SCN7A: variants seen among roughly 807,000 people sequenced by gnomAD.
SCN7A encodes sodium voltage-gated channel alpha subunit 7, also known as sodium channel protein type 7 subunit alpha.
SCN7A carries 138 observed loss-of-function variants against 155.2 expected under a neutral mutation model. That is an observed-to-expected ratio of 0.89 (90% CI 0.77 to 1.02). The LOEUF (loss-of-function observed/expected upper bound fraction) is 1.02. Ranked by LOEUF, SCN7A falls within the 50% of genes least tolerant of loss-of-function variation. SCN7A has a pLI of 0.00. For synonymous variants in SCN7A, 693 were observed against 649.0 expected, an observed-to-expected ratio of 1.07 and a Z score of -1.03; for missense variants, 2,058 against 1,986.6, an observed-to-expected ratio of 1.04 and a Z score of -0.68.
intron 2 of SCN7A, among the ~76,000 whole-genome samples, chr2:166,485,043 G>A (rs1438302421): frequency 6.6e-6 from 1 of 151,994 alleles, no homozygotes; most frequent in African/African-American, 2.4e-5. Context: ...TTATCCAATA[G>A]AATACAATTA....
At position 166,473,979 on chromosome 2, in the gene SCN7A, A is replaced by G. The variant is rs539707038; in HGVS notation, c.354-91T>C. 7.4e-6 allele frequency: 5 copies of G among 677,002 alleles called. No individual in the cohort carries two copies. In the South Asian group the frequency reaches 1.3e-4, roughly 17 times the overall value. 41.9% of individuals were successfully genotyped at this position (677,002 alleles called of 1,614,324 possible). A position where few individuals can be genotyped will look rare whatever the true frequency, so the allele number is the denominator to read the frequency against. On this transcript the variant is annotated intron_variant, in intron 4 of 25. Coordinates refer to ENST00000643258, the MANE Select transcript of SCN7A (RefSeq NM_002976.4). ...TATTTCTTAAATGTTGAAAAATATT[A>G]ATCTTATTGAACAACAATGGGCATT...
At position 166,441,074 on chromosome 2, in the gene SCN7A, T is replaced by A. The variant is rs937980422; in HGVS notation, c.2157+322A>T. On this transcript the variant is annotated intron_variant, in intron 15 of 25. Coordinates refer to ENST00000643258, the MANE Select transcript of SCN7A (RefSeq NM_002976.4). Reference sequence around the variant, plus strand: ...CAGACCATGGCTGACCACAGGCAACTGAAACCACATACAGTGCAACTGAGC... The same window carrying A: ...CAGACCATGGCTGACCACAGGCAACAGAAACCACATACAGTGCAACTGAGC... The A allele has an allele frequency of 2.1e-5, 8 of 386,168 alleles. No homozygotes were observed. The South Asian group carries it at 9.8e-4, about 47-fold the overall frequency. The allele number at this position is 386,168 out of a possible 1,614,324, so 23.9% of individuals were successfully genotyped here.
At chr2:166,471,569 C>T (rs909581835) in intron 6 of SCN7A, among the ~76,000 whole-genome samples, 2 of 151,422 alleles carry the variant, frequency 1.3e-5, no homozygotes, top group Admixed American at 1.3e-4. Flanking sequence ...AAAAACTGAC[C>T]CAAAATCTAC....
At chr2:166,437,392 C>A (rs1481788288) in intron 15 of SCN7A, among the ~76,000 whole-genome samples, 1 of 152,168 alleles carries the variant, frequency 6.6e-6, no homozygotes, top group Non-Finnish European at 1.5e-5. Context: ...ATGGAAATGC[C>A]TGGATGTCCA....
At chr2:166,486,783 T>TA (rs1703061573) in intron 2 of SCN7A, 73 bp downstream of exon 2, 1 of 152,238 alleles carries the variant, frequency 6.6e-6, no homozygotes, top group Admixed American at 6.5e-5. Context: ...TTACATTTTC[T>TA]TGTTTGTTTT....
At chr2:166,467,839 T>A (rs896028228) in intron 7 of SCN7A, among the ~76,000 whole-genome samples, 1 of 151,860 alleles carries the variant, frequency 6.6e-6, no homozygotes, top group East Asian at 1.9e-4. Context: ...ATAAAAAAAA[T>A]TTAAACCAAT....
At position 166,465,853 on chromosome 2, in the gene SCN7A, A is replaced by G; in HGVS notation, c.799T>C (p.Cys267Arg). ...GLFMGNLKHK[C>R]FRWPQENENE... Reference sequence around the variant, plus strand: ...TCATTCTCTTGGGGCCATCGAAAACATTTATGTTTCAAGTTGCCCATGAAG... The same window carrying G: ...TCATTCTCTTGGGGCCATCGAAAACGTTTATGTTTCAAGTTGCCCATGAAG... The change falls in exon 8 of 26, where the codon TGT (cysteine) becomes CGT (arginine). Residue 267 changes from cysteine (C) to arginine (R), a missense_variant. Cys to Arg is a radical substitution (Grantham distance 180). Coordinates refer to ENST00000643258, the MANE Select transcript of SCN7A (RefSeq NM_002976.4). 6.2e-7 allele frequency: 1 copy of G among 1,613,890 alleles called. No homozygotes were observed. The highest frequency in any genetic ancestry group is 1.3e-5 in the African/African-American group (1 of 75,022).
Position 166,443,549 on chromosome 2 carries a change from C to A in SCN7A, c.1754G>T (p.Cys585Phe). 6.3e-7 allele frequency: 1 copy of A among 1,595,536 alleles called. No individual in the cohort carries two copies. The highest frequency in any genetic ancestry group is 1.7e-5 in the Admixed American group (1 of 57,198). Residue 585 changes from cysteine (C) to phenylalanine (F), a missense_variant, in exon 14 of 26, where the codon TGT becomes TTT. Cys to Phe is a radical substitution (Grantham distance 205). Transcript: ENST00000643258. Reference sequence around the variant, plus strand: ...AGCCATTCCTGCAACATTTGCTAGACAAAGTTCTATTAAACCATGGAACAC... The same window carrying A: ...AGCCATTCCTGCAACATTTGCTAGAAAAAGTTCTATTAAACCATGGAACAC... ...MIVFHGLIEL[C>F]LANVAGMALL...
intron 18 of SCN7A, among the ~76,000 whole-genome samples, chr2:166,426,265 C>A (rs953270138): frequency 6.6e-6 from 1 of 152,092 alleles, no homozygotes; most frequent in Non-Finnish European, 1.5e-5. Context: ...ATATTCTAAG[C>A]AGCCTTTCCA....
intron 3 of SCN7A, among the ~76,000 whole-genome samples, chr2:166,474,894 A>T (rs1702745923): frequency 6.6e-6 from 1 of 151,436 alleles, no homozygotes; most frequent in South Asian, 2.1e-4. Flanking sequence ...ATATCATGTA[A>T]ACCTAATACA....
chr2:166,470,788 T>A, intron 6 of SCN7A, 82 bp from the exon 7 acceptor site: 1 of 1,238,312 alleles, frequency 8.1e-7, no homozygotes, highest in Non-Finnish European at 1.1e-6. Context: ...TATTGAAACT[T>A]ATTTTTAAAA....
intron 6 of SCN7A, among the ~76,000 whole-genome samples, chr2:166,471,405 T>C (rs1702651339): frequency 6.6e-6 from 1 of 151,854 alleles, no homozygotes; most frequent in South Asian, 2.1e-4. Context: ...TAGGAAGGGC[T>C]CTGTAAGTGT....
chr2:166,458,973 T>C (rs771659427), intron 10 of SCN7A, among the ~76,000 whole-genome samples: 4 of 152,226 alleles, frequency 2.6e-5, no homozygotes, highest in Non-Finnish European at 5.9e-5. Context: ...GGAGAAAATT[T>C]ATACAGAAGT....
chr2:166,492,282 T>G (rs2105550219), intron 1 of SCN7A, among the ~76,000 whole-genome samples: 1 of 152,196 alleles, frequency 6.6e-6, no homozygotes, highest in African/African-American at 2.4e-5. Flanking sequence ...TTCTATTACT[T>G]TAAACATATC....
intron 3 of SCN7A, among the ~76,000 whole-genome samples, chr2:166,475,091 T>C (rs1353289891): frequency 4.9e-5 from 6 of 122,332 alleles, no homozygotes; most frequent in South Asian, 5.2e-4. Context: ...TATATATATA[T>C]ACACATATAT....
chr2:166,481,031 G>C (rs1384817799), intron 2 of SCN7A, among the ~76,000 whole-genome samples: 1 of 152,142 alleles, frequency 6.6e-6, no homozygotes, highest in Non-Finnish European at 1.5e-5. Flanking sequence ...CCAGGTTTTT[G>C]TCTAAAGGCT....
Position 166,421,530 on chromosome 2 carries a change from T to C in SCN7A, c.3028-233A>G, listed in dbSNP as rs534667785. ...ATAAAACTAAACTGTTTTCTGGTAA[T>C]AAGGAACATATTTTAGTGAGATAAA... On this transcript the variant is annotated intron_variant, in intron 19 of 25. Coordinates refer to ENST00000643258, the MANE Select transcript of SCN7A (RefSeq NM_002976.4). 2.6e-5 allele frequency among the ~76,000 whole-genome samples: 4 copies of C among 152,110 alleles called. No individual in the cohort carries two copies. The South Asian group carries it at 6.2e-4, about 24-fold the overall frequency.
intron 15 of SCN7A, among the ~76,000 whole-genome samples, chr2:166,439,425 G>A (rs1320626800): frequency 6.6e-6 from 1 of 151,978 alleles, no homozygotes; most frequent in African/African-American, 2.4e-5. Flanking sequence ...ATAATACAAA[G>A]ATATGAGGCT....
intron 2 of SCN7A, among the ~76,000 whole-genome samples, chr2:166,484,572 AT>A (rs145189789): frequency 0.12 from 18,912 of 151,950 alleles, 1,301 homozygotes; most frequent in Middle Eastern, 0.16. Context: ...TGATTTAAAA[AT>A]CTAATCTTGA....
Sources: gnomAD v4.1 joint callset for allele counts (sites outside exome capture counted in the v4.1 genomes callset) on GRCh38, gnomAD v4.1.1 for gene constraint, MANE v1.5 for transcripts, NCBI Gene and HGNC (gene_info 2026-07-23, HGNC 2026-07-21) for gene names.